DOCK7: variants seen among roughly 807,000 people sequenced by gnomAD.
DOCK7 encodes the protein dedicator of cytokinesis protein 7.
In DOCK7, 138 loss-of-function variants were observed where a neutral mutation model predicts 271.0. That is an observed-to-expected ratio of 0.51 (90% confidence interval 0.44 to 0.59). The LOEUF (loss-of-function observed/expected upper bound fraction) is 0.59. Among genes scored for constraint, DOCK7 ranks in the 20% least tolerant of loss-of-function variants. The pLI, the probability that DOCK7 is intolerant of heterozygous loss-of-function variation, is 0.00. For missense variants in DOCK7, 2,066 were observed against 2,592.4 expected (o/e 0.80, Z 4.41); for synonymous variants, 823 against 876.1 (o/e 0.94, Z 1.07).
chr1:62,476,009 A>AAG, intron 45 of DOCK7, 58 bp downstream of exon 45: 1 of 1,602,746 alleles, frequency 6.2e-7, no homozygotes, highest in Non-Finnish European at 8.5e-7. Context: ...CTCAAACAAA[A>AAG]TTGCACAGAG....
At chr1:62,638,911 A>C (rs961096963) in intron 7 of DOCK7, among the ~76,000 whole-genome samples, 25 of 151,948 alleles carry the variant, frequency 1.6e-4, no homozygotes, top group African/African-American at 6.0e-4. Flanking sequence ...GTCCTTTTTT[A>C]GCTCTTTTTT....
chr1:62,532,478 T>G (rs1645204202), intron 29 of DOCK7, among the ~76,000 whole-genome samples: 1 of 152,084 alleles, frequency 6.6e-6, no homozygotes, highest in Admixed American at 6.6e-5. Context: ...ACTATAGGTA[T>G]GCACCACCAT....
rs181218701 is a variant in DOCK7, at chr1:62,663,271, G to A, written c.39-141C>T. 2.6e-3 allele frequency: 1,687 copies of A among 645,266 alleles called. 4 individuals are homozygous for A. The highest frequency in any genetic ancestry group is 3.0e-3 in the Non-Finnish European group (1,146 of 378,830). The allele number at this position is 645,266 out of a possible 1,614,324, so 40.0% of individuals were successfully genotyped here. A position where few individuals can be genotyped will look rare whatever the true frequency, so the allele number is the denominator to read the frequency against. ...AGCATAACAATAAGGCTAGAAATTC[G>A]TAAAATATTTTAGGAAATGCTTTTC... On this transcript the variant is annotated intron_variant, in intron 1 of 49. Transcript: ENST00000635253.
intron 14 of DOCK7, among the ~76,000 whole-genome samples, chr1:62,601,502 C>T (rs527277163): frequency 4.0e-5 from 6 of 151,552 alleles, no homozygotes; most frequent in South Asian, 2.1e-4. Context: ...GAAATATTTA[C>T]GGAGTTAAAG....
intron 18 of DOCK7, among the ~76,000 whole-genome samples, chr1:62,572,647 G>A (rs1279499415): frequency 1.3e-5 from 2 of 152,152 alleles, no homozygotes; most frequent in African/African-American, 2.4e-5. Flanking sequence ...GAGAGGGGAT[G>A]TCAAGCTCTC....
intron 1 of DOCK7, among the ~76,000 whole-genome samples, chr1:62,684,212 T>TA (rs58337673): frequency 9.3e-4 from 133 of 143,664 alleles, no homozygotes; most frequent in East Asian, 4.3e-3. Flanking sequence ...AACTCCATCT[T>TA]AAAAAAAAAA....
chr1:62,480,602 CTGAT>C (rs1646091909), intron 43 of DOCK7, among the ~76,000 whole-genome samples: 1 of 152,192 alleles, frequency 6.6e-6, no homozygotes, highest in Non-Finnish European at 1.5e-5. Flanking sequence ...GGAAGGAACA[CTGAT>C]AGAGGGTCAG....
chr1:62,548,807 G>A (rs183914905), intron 22 of DOCK7, among the ~76,000 whole-genome samples: 1 of 152,172 alleles, frequency 6.6e-6, no homozygotes, highest in African/African-American at 2.4e-5. Flanking sequence ...TTTAAAACTA[G>A]TACATTAGTT....
chr1:62,457,856 C>T, intron 48 of DOCK7, 151 bp from the exon 49 acceptor site: 1 of 705,326 alleles, frequency 1.4e-6, no homozygotes, highest in Non-Finnish European at 2.3e-6. Flanking sequence ...CACACATACA[C>T]ACAAAAATAT....
intron 18 of DOCK7, among the ~76,000 whole-genome samples, chr1:62,562,784 A>G (rs986215466): frequency 2.6e-5 from 4 of 152,116 alleles, no homozygotes; most frequent in Non-Finnish European, 5.9e-5. Context: ...AGAGGATGGC[A>G]ACCCAGAAAC....
intron 14 of DOCK7, chr1:62,597,888 G>A (rs1329767529): frequency 1.3e-6 from 2 of 1,573,180 alleles, no homozygotes; most frequent in Admixed American, 1.9e-5. Flanking sequence ...TAAACTACAA[G>A]TCAAAAATGA....
rs1290763598 is a variant in DOCK7, at chr1:62,618,585, AAG to A, written c.1682+119_1682+120del. Reference sequence around the variant, plus strand: ...AAAACTATTAATAAAATTGTGCGGTAAGAGATAGAGTTAAGTAACAAAACTAC... The same window carrying A: ...AAAACTATTAATAAAATTGTGCGGTAAGATAGAGTTAAGTAACAAAACTAC... On this transcript the variant is annotated intron_variant, in intron 14 of 49. Coordinates refer to ENST00000635253, the MANE Select transcript of DOCK7 (RefSeq NM_001367561.1). 24 of 825,948 alleles carry A rather than the reference AAG, an allele frequency of 2.9e-5. 2 individuals are homozygous for A. The allele number at this position is 825,948 out of a possible 1,614,324, so 51.2% of individuals were successfully genotyped here. A position where few individuals can be genotyped will look rare whatever the true frequency, so the allele number is the denominator to read the frequency against.
Position 62,489,047 on chromosome 1 carries a change from C to G in DOCK7, c.5380G>C (p.Val1794Leu). The G allele has an allele frequency of 6.3e-7, 1 of 1,586,816 alleles. No individual in the cohort carries two copies. Among genetic ancestry groups the G allele is most frequent in the Non-Finnish European group, 8.6e-7 (1 of 1,163,930 alleles). Residue 1794 changes from valine (V) to leucine (L), a missense_variant, in exon 42 of 50, where the codon GTT becomes CTT. Coordinates refer to ENST00000635253, the MANE Select transcript of DOCK7 (RefSeq NM_001367561.1). The stretch of plus-strand genomic sequence containing the variant: ...ATAAGTACTTTGTAAACTTCATTAA[C>G]TGCTTCATACATGCCAGCCTATAAG... ...SFSMAGMYEAVNEVYKVLIPI... is the reference protein window; with the variant it reads ...SFSMAGMYEALNEVYKVLIPI...
intron 14 of DOCK7, chr1:62,601,009 C>T (rs1432220461): frequency 2.3e-6 from 2 of 873,746 alleles, no homozygotes; most frequent in African/African-American, 1.7e-5. Flanking sequence ...GTACTTCTGA[C>T]ATCCTTACTC....
intron 31 of DOCK7, among the ~76,000 whole-genome samples, chr1:62,519,505 A>G (rs773547664): frequency 1.1e-4 from 17 of 152,338 alleles, no homozygotes; most frequent in Admixed American, 2.0e-4. Flanking sequence ...CTTCTTAAAT[A>G]GCTCAAAGGC....
intron 14 of DOCK7, chr1:62,598,911 T>A: frequency 1.3e-6 from 1 of 741,394 alleles, no homozygotes; most frequent in African/African-American, 1.8e-5. Context: ...AGTAAAATTA[T>A]CACATCAGCA....
intron 7 of DOCK7, among the ~76,000 whole-genome samples, chr1:62,645,164 T>A (rs749057519): frequency 7.9e-5 from 12 of 152,166 alleles, no homozygotes; most frequent in Admixed American, 7.8e-4. Context: ...AAGTTAAACA[T>A]GGAGTTACTA....
intron 18 of DOCK7, among the ~76,000 whole-genome samples, chr1:62,572,560 T>A (rs892809077): frequency 6.6e-6 from 1 of 152,186 alleles, no homozygotes; most frequent in Non-Finnish European, 1.5e-5. Context: ...AAGTCTAAGA[T>A]CAAGGTGCCA....
At chr1:62,633,079 T>A (rs1392764831) in intron 10 of DOCK7, among the ~76,000 whole-genome samples, 3 of 152,182 alleles carry the variant, frequency 2.0e-5, no homozygotes, top group African/African-American at 7.2e-5. Context: ...CTTAATAATC[T>A]GCAGTCAGAT....
Sources: allele counts gnomAD v4.1 joint callset (sites outside exome capture counted in the v4.1 genomes callset), GRCh38; gene constraint gnomAD v4.1.1; transcripts MANE v1.5; gene names NCBI Gene and HGNC (gene_info 2026-07-23, HGNC 2026-07-21).